Variants in SCAMP2 observed in about 807,000 individuals in gnomAD.
SCAMP2 encodes the protein secretory carrier membrane protein 2.
In SCAMP2, 25 loss-of-function variants were observed where a neutral mutation model predicts 44.1. That is an observed-to-expected ratio of 0.57 (90% confidence interval 0.41 to 0.79). The LOEUF is 0.79. SCAMP2 is among the 30% of genes least tolerant of loss of function. The pLI, the probability that SCAMP2 is intolerant of heterozygous loss-of-function variation, is 0.00. For missense variants in SCAMP2, 355 were observed against 411.0 expected, an observed-to-expected ratio of 0.86 and a Z score of 1.18; for synonymous variants, 156 against 166.0, an observed-to-expected ratio of 0.94 and a Z score of 0.46.
intron 7 of SCAMP2, among the ~76,000 whole-genome samples, chr15:74,846,446 C>CAAAA (rs35643920): frequency 3.7e-5 from 4 of 109,460 alleles, no homozygotes; most frequent in Non-Finnish European, 5.3e-5. Context: ...ACCCTGTCTC[C>CAAAA]AAAAAAAAAA....
intron 1 of SCAMP2, among the ~76,000 whole-genome samples, chr15:74,858,404 TGA>T (rs1336491257): frequency 6.6e-6 from 1 of 152,180 alleles, no homozygotes; most frequent in Admixed American, 6.6e-5. Flanking sequence ...TTGAGAGAGC[TGA>T]GAGAGTCACT....
At chr15:74,850,363 T>C in intron 6 of SCAMP2, 151 bp downstream of exon 6, 1 of 782,560 alleles carries the variant, frequency 1.3e-6, no homozygotes, top group Middle Eastern at 3.1e-4. Context: ...CTGCTCTGGG[T>C]GGGAACAGAG....
At chr15:74,872,189 G>T (rs4886608) in intron 1 of SCAMP2, among the ~76,000 whole-genome samples, 2 of 151,778 alleles carry the variant, frequency 1.3e-5, no homozygotes, top group Admixed American at 1.3e-4. Context: ...GAGGCGGATG[G>T]ATCACCTGAG....
chr15:74,848,241 T>A lies in SCAMP2; in HGVS notation c.734+359A>T, dbSNP rs1416509692. ...TGCCACTGCAACAGGCTAATTTTTT[T>A]AATTTTTGGTAGAGACAAGGTCTTC... On this transcript the variant is annotated intron_variant, in intron 7 of 8. Transcript: ENST00000268099. Among the ~76,000 whole-genome samples the A allele has an allele frequency of 7.2e-5, 11 of 151,968 alleles. No homozygotes were observed. In the South Asian group the frequency reaches 1.7e-3, roughly 23 times the overall value.
At chr15:74,861,261 C>T (rs1385076270) in intron 1 of SCAMP2, among the ~76,000 whole-genome samples, 2 of 152,252 alleles carry the variant, frequency 1.3e-5, no homozygotes, top group East Asian at 1.9e-4. Flanking sequence ...ACTCTGGAAC[C>T]TCTGTGAAGT....
At position 74,851,335 on chromosome 15, in the gene SCAMP2, G is replaced by A. The variant is rs201315675; in HGVS notation, c.472+18C>T. 6.2e-7 allele frequency: 1 copy of A among 1,611,282 alleles called. No individual in the cohort carries two copies. Among genetic ancestry groups the A allele is most frequent in the East Asian group, 2.2e-5 (1 of 44,812 alleles). On this transcript the variant is annotated intron_variant, in intron 5 of 8. Coordinates refer to ENST00000268099, the MANE Select transcript of SCAMP2 (RefSeq NM_005697.5). ...ACCCAATTCGCCCTTGCGCTTGGAA[G>A]GCAGGAGTGGGACTCACACATCCAC... is the stretch of plus-strand genomic sequence containing the variant.
At position 74,854,568 on chromosome 15, in the gene SCAMP2, C is replaced by G. The variant is rs751210026; in HGVS notation, c.126+13G>C. Reference sequence around the variant, plus strand: ...AGGGCCATGGGACTTGGAAAGAGGGCCTGCTCACCAACCTCTGAGAAGGGG... The same window carrying G: ...AGGGCCATGGGACTTGGAAAGAGGGGCTGCTCACCAACCTCTGAGAAGGGG... On this transcript the variant is annotated intron_variant, in intron 2 of 8. Transcript: ENST00000268099. The G allele has an allele frequency of 6.3e-7, 1 of 1,588,336 alleles. No individual in the cohort carries two copies. The highest frequency in any genetic ancestry group is 1.8e-5 in the Admixed American group (1 of 56,774).
rs1260658673 is a variant in SCAMP2 at position 74,873,323 on chromosome 15, C to A, written c.-68G>T. ...CTCCGGGCACCCAGACCCAGCGGCGCTTCGTGTAGACCCTCCACTTCCGGG... is the reference window on the plus strand; with the variant it reads ...CTCCGGGCACCCAGACCCAGCGGCGATTCGTGTAGACCCTCCACTTCCGGG... On this transcript the variant is annotated 5_prime_UTR_variant, in exon 1 of 9. Transcript: ENST00000268099. 14 of 1,378,664 alleles carry A rather than the reference C, an allele frequency of 1.0e-5. No homozygotes were observed. The highest frequency in any genetic ancestry group is 1.5e-5 in the African/African-American group (1 of 64,718). The allele number at this position is 1,378,664 out of a possible 1,614,324, so 85.4% of individuals were successfully genotyped here.
intron 1 of SCAMP2, among the ~76,000 whole-genome samples, chr15:74,869,459 C>A (rs1038212841): frequency 1.3e-5 from 2 of 152,302 alleles, no homozygotes; most frequent in African/African-American, 4.8e-5. Flanking sequence ...AGAATGGTGA[C>A]AACTGTGATG....
At chr15:74,847,703 G>A (rs1345268020) in intron 7 of SCAMP2, among the ~76,000 whole-genome samples, 1 of 152,224 alleles carries the variant, frequency 6.6e-6, no homozygotes. Flanking sequence ...TGACCTTTCT[G>A]CAATGCTCCC....
chr15:74,856,593 T>G (rs1184617208), intron 1 of SCAMP2, among the ~76,000 whole-genome samples: 1 of 151,356 alleles, frequency 6.6e-6, no homozygotes, highest in Non-Finnish European at 1.5e-5. Context: ...TTTTTTTTTT[T>G]TTTCCTTTTT....
chr15:74,845,408 G>A (rs1300347432), intron 8 of SCAMP2, 65 bp downstream of exon 8: 2 of 1,611,642 alleles, frequency 1.2e-6, no homozygotes, highest in African/African-American at 2.7e-5. Flanking sequence ...AACATCTCGT[G>A]GCAAGGGCAG....
intron 1 of SCAMP2, among the ~76,000 whole-genome samples, chr15:74,865,785 C>CA (rs768984095): frequency 0.51 from 46,371 of 90,608 alleles, 13,538 homozygotes; most frequent in South Asian, 0.83. Context: ...CTCATTTCTC[C>CA]AAAAAAAAAA....
intron 1 of SCAMP2, among the ~76,000 whole-genome samples, chr15:74,864,007 G>A (rs2064525910): frequency 6.6e-6 from 1 of 152,174 alleles, no homozygotes; most frequent in Admixed American, 6.6e-5. Flanking sequence ...CAGTAAAGAG[G>A]AAGGCAAGAA....
At position 74,844,791 on chromosome 15, in the gene SCAMP2, T is replaced by C. The variant is rs1462534634; in HGVS notation, c.*292A>G. On this transcript the variant is annotated 3_prime_UTR_variant, in exon 9 of 9. Coordinates refer to ENST00000268099, the MANE Select transcript of SCAMP2 (RefSeq NM_005697.5). ...CCAACTGTGTGGGGGTGTCTGTGTG[T>C]GCACAGGACGAAGAGAACTTCAGTC... 6 of 330,330 alleles carry C rather than the reference T, an allele frequency of 1.8e-5. No homozygotes were observed. Among genetic ancestry groups the C allele is most frequent in the Non-Finnish European group, 3.4e-5 (6 of 174,678 alleles). The allele number at this position is 330,330 out of a possible 1,614,324, so 20.5% of individuals were successfully genotyped here. A position where few individuals can be genotyped will look rare whatever the true frequency, so the allele number is the denominator to read the frequency against.
chr15:74,857,463 C>T (rs376845951), intron 1 of SCAMP2, among the ~76,000 whole-genome samples: 5 of 152,192 alleles, frequency 3.3e-5, no homozygotes, highest in Non-Finnish European at 4.4e-5. Context: ...ACCTAGCCAC[C>T]GCTGAAGTCA....
chr15:74,850,286 C>T (rs2064426784), intron 6 of SCAMP2, among the ~76,000 whole-genome samples: 1 of 152,178 alleles, frequency 6.6e-6, no homozygotes, highest in Non-Finnish European at 1.5e-5. Flanking sequence ...GTCTCCTGTG[C>T]CTGGTCCAAG....
At chr15:74,862,600 T>C (rs2064514504) in intron 1 of SCAMP2, among the ~76,000 whole-genome samples, 1 of 150,598 alleles carries the variant, frequency 6.6e-6, no homozygotes, top group Non-Finnish European at 1.5e-5. Flanking sequence ...TAATTAACAA[T>C]GGTTGCAAAT....
chr15:74,853,154 C>T (rs1339564189), intron 3 of SCAMP2: 1 of 323,724 alleles, frequency 3.1e-6, no homozygotes, highest in African/African-American at 2.2e-5. Context: ...CAGAACTGAC[C>T]CCGCTGTGCC....
Sources: gnomAD v4.1 joint callset for allele counts (sites outside exome capture counted in the v4.1 genomes callset) on GRCh38, gnomAD v4.1.1 for gene constraint, MANE v1.5 for transcripts, NCBI Gene and HGNC (gene_info 2026-07-23, HGNC 2026-07-21) for gene names.